The following BTBD8 variants were observed in gnomAD, a reference collection of about 807,000 sequenced individuals.
BTBD8 encodes the protein BTB/POZ domain-containing protein 8.
In BTBD8, 110 loss-of-function variants were observed where a neutral mutation model predicts 162.9. That is an observed-to-expected ratio of 0.68 (90% confidence interval 0.58 to 0.79). The LOEUF (loss-of-function observed/expected upper bound fraction) is 0.79, where lower values mean the gene tolerates loss of function less well. Ranked by LOEUF, BTBD8 falls within the 30% of genes least tolerant of loss-of-function variation. BTBD8 has a pLI of 0.00. For missense variants in BTBD8, 1,905 were observed against 2,085.4 expected (o/e 0.91, Z 1.68); for synonymous variants, 667 against 716.1 (o/e 0.93, Z 1.10).
rs1423463656 is a variant in BTBD8, at chr1:92,177,466, C to G, written c.2273C>G (p.Ser758Cys). 6.4e-7 allele frequency: 1 copy of G among 1,551,590 alleles called. No homozygotes were observed. Among genetic ancestry groups the G allele is most frequent in the South Asian group, 1.2e-5 (1 of 84,056 alleles). Residue 758 changes from serine to cysteine, a missense_variant, in exon 14 of 18, where the codon TCT becomes TGT. Physicochemically the swap from Ser to Cys is moderately radical, Grantham distance 112. This residue lies in a region of BTBD8 where 1,374 missense variants were observed against 1,442.7 expected (regional missense o/e 0.95). Transcript: ENST00000636805. ...ENGSTEEEKPSGHKLSFCDSP... is the reference protein window; with the variant it reads ...ENGSTEEEKPCGHKLSFCDSP... ...GGATCAACAGAAGAAGAAAAGCCTT[C>G]TGGACATAAACTATCCTTTTGTGAT...
At chr1:92,157,901 T>C (rs570408453) in intron 9 of BTBD8, among the ~76,000 whole-genome samples, 1 of 152,348 alleles carries the variant, frequency 6.6e-6, no homozygotes, top group Non-Finnish European at 1.5e-5. Flanking sequence ...ATACTTGCTT[T>C]ATATATTTAG....
intron 4 of BTBD8, among the ~76,000 whole-genome samples, chr1:92,128,435 C>T (rs1007495491): frequency 5.3e-5 from 8 of 152,138 alleles, no homozygotes; most frequent in South Asian, 2.1e-4. Context: ...CCTGTCACCA[C>T]GCCCGGCTAA....
intron 7 of BTBD8, among the ~76,000 whole-genome samples, chr1:92,143,677 AT>A (rs1649831447): frequency 6.7e-6 from 1 of 149,740 alleles, no homozygotes; most frequent in Admixed American, 6.6e-5. Context: ...TGCCCAGCTA[AT>A]TTTTTGTATT....
At chr1:92,131,346 A>T (rs1477386061) in intron 5 of BTBD8, among the ~76,000 whole-genome samples, 4 of 152,246 alleles carry the variant, frequency 2.6e-5, no homozygotes, top group Admixed American at 2.0e-4. Flanking sequence ...GATATGTAAC[A>T]ACAAGAGAAG....
chr1:92,084,187 A>T (rs1395720259), intron 1 of BTBD8, among the ~76,000 whole-genome samples: 1 of 152,174 alleles, frequency 6.6e-6, no homozygotes, highest in African/African-American at 2.4e-5. Context: ...TCCTGGCTTC[A>T]TTCATCTGTG....
chr1:92,148,839 T>A (rs1649984609), intron 9 of BTBD8, among the ~76,000 whole-genome samples: 1 of 152,222 alleles, frequency 6.6e-6, no homozygotes, highest in South Asian at 2.1e-4. Flanking sequence ...AGAAGGGGAA[T>A]TATTGATAGA....
chr1:92,178,240 A>T, intron 15 of BTBD8, 72 bp from the exon 16 acceptor site: 1 of 1,160,096 alleles, frequency 8.6e-7, no homozygotes, highest in Non-Finnish European at 1.2e-6. Context: ...AAACTGTTTC[A>T]GGTATTGGTC....
At chr1:92,101,752 C>T (rs572925267) in intron 2 of BTBD8, among the ~76,000 whole-genome samples, 1 of 152,294 alleles carries the variant, frequency 6.6e-6, no homozygotes, top group Admixed American at 6.5e-5. Context: ...GACTGGAGTG[C>T]AGTGGCATGA....
chr1:92,088,331 T>A (rs72956809), intron 1 of BTBD8, among the ~76,000 whole-genome samples: 5,462 of 152,254 alleles, frequency 0.036, 316 homozygotes, highest in African/African-American at 0.13. Context: ...TAATTAATGA[T>A]CATGTCAACT....
rs115418198 is a variant in BTBD8, at chr1:92,115,628, G to A, written c.662+7627G>A. The stretch of plus-strand genomic sequence containing the variant: ...CAAGCTTCCTGTTTTCAGCCTTGAC[G>A]ATGCCGTGGAACTTGGCCATGGGTG... On this transcript the variant is annotated intron_variant, in intron 4 of 17. Coordinates refer to ENST00000636805, the MANE Select transcript of BTBD8 (RefSeq NM_001376131.1). The A allele has an allele frequency of 4.3e-4, 166 of 388,660 alleles. 3 individuals carry two copies. Among genetic ancestry groups the A allele is most frequent in the African/African-American group, 3.3e-3 (157 of 47,358 alleles). 24.1% of individuals were successfully genotyped at this position (388,660 alleles called of 1,614,324 possible).
intron 3 of BTBD8, among the ~76,000 whole-genome samples, chr1:92,103,639 G>A (rs572110677): frequency 6.6e-6 from 1 of 152,280 alleles, no homozygotes; most frequent in South Asian, 2.1e-4. Context: ...ACAGGTTGTT[G>A]GCAGATCTTC....
Position 92,181,104 on chromosome 1 carries a change from T to C in BTBD8, c.3421T>C (p.Cys1141Arg), listed in dbSNP as rs1331613723. 54 of 1,551,470 alleles carry C rather than the reference T, an allele frequency of 3.5e-5. No individual in the cohort carries two copies. Among genetic ancestry groups the C allele is most frequent in the Non-Finnish European group, 4.4e-5 (51 of 1,146,982 alleles). ...KDTNKQSSIKCVEDVSLCNPE... is the reference protein window; with the variant it reads ...KDTNKQSSIKRVEDVSLCNPE... ...TACAAACAAACAATCAAGTATTAAA[T>C]GTGTGGAAGATGTTTCACTGTGTAA... Residue 1141 changes from cysteine (C) to arginine (R), a missense_variant, in exon 17 of 18, where the codon TGT (cysteine) becomes CGT (arginine). By Grantham distance (180) the Cys-to-Arg change is radical. This residue lies in a region of BTBD8 where 1,374 missense variants were observed against 1,442.7 expected (regional missense o/e 0.95). Coordinates refer to ENST00000636805, the MANE Select transcript of BTBD8 (RefSeq NM_001376131.1).
intron 9 of BTBD8, among the ~76,000 whole-genome samples, chr1:92,162,279 A>G (rs758446190): frequency 9.2e-5 from 14 of 152,196 alleles, no homozygotes; most frequent in Non-Finnish European, 1.8e-4. Flanking sequence ...CTGCTACACC[A>G]CATGAGATAC....
chr1:92,102,841 A>T (rs945085462), intron 3 of BTBD8, among the ~76,000 whole-genome samples, 172 bp downstream of exon 3: 1 of 152,096 alleles, frequency 6.6e-6, no homozygotes, highest in Admixed American at 6.5e-5. Flanking sequence ...GTAATTGGAG[A>T]TAGGGTTATT....
chr1:92,087,593 G>A (rs567146106), intron 1 of BTBD8, among the ~76,000 whole-genome samples: 156 of 152,228 alleles, frequency 1.0e-3, no homozygotes, highest in African/African-American at 3.6e-3. Context: ...GTTTTTGTCC[G>A]TGGGGAGTTC....
chr1:92,102,696 T>C (rs1304376353), intron 3 of BTBD8, 27 bp downstream of exon 3: 1 of 1,397,006 alleles, frequency 7.2e-7, no homozygotes. Context: ...GGAGTTGTAT[T>C]TATAGCCGTA....
At chr1:92,089,830 G>A (rs1648252588) in intron 2 of BTBD8, among the ~76,000 whole-genome samples, 1 of 152,132 alleles carries the variant, frequency 6.6e-6, no homozygotes, top group South Asian at 2.1e-4. Flanking sequence ...TCAGACCATA[G>A]TAACTTGTAT....
Position 92,125,038 on chromosome 1 carries a change from T to C in BTBD8, c.663-4649T>C, listed in dbSNP as rs952382114. ...GACAAACAGTAATTATAGTCTCTTA[T>C]TGATATTTCCTTAAGATTTAAAGTA... On this transcript the variant is annotated intron_variant, in intron 4 of 17. Coordinates refer to ENST00000636805, the MANE Select transcript of BTBD8 (RefSeq NM_001376131.1). 5.3e-5 allele frequency among the ~76,000 whole-genome samples: 8 copies of C among 152,376 alleles called. 1 individual carries two copies. Among genetic ancestry groups the C allele is most frequent in the African/African-American group, 9.6e-5 (4 of 41,604 alleles).
At chr1:92,119,939 T>C (rs937415842) in intron 4 of BTBD8, among the ~76,000 whole-genome samples, 2 of 128,462 alleles carry the variant, frequency 1.6e-5, no homozygotes, top group Non-Finnish European at 1.6e-5. Flanking sequence ...CTCACTCTAT[T>C]GCCCAGGCTG....
Sources: allele counts gnomAD v4.1 joint callset (sites outside exome capture counted in the v4.1 genomes callset), GRCh38; gene constraint gnomAD v4.1.1; regional missense constraint gnomAD v4.1.1; transcripts MANE v1.5; gene names NCBI Gene and HGNC (gene_info 2026-07-23, HGNC 2026-07-21).